DOCK9: variants seen among roughly 807,000 people sequenced by gnomAD.
DOCK9 encodes the protein dedicator of cytokinesis protein 9.
Under a neutral mutation model 263.3 loss-of-function variants are expected in DOCK9, and 89 were observed. That is an observed-to-expected ratio of 0.34 (90% CI 0.28 to 0.40). The LOEUF is 0.40. DOCK9 is among the 10% of genes least tolerant of loss of function. The probability of loss-of-function intolerance (pLI) is 1.00; values close to 1 mark genes in which losing one functional copy is unlikely to be tolerated. For synonymous variants in DOCK9, 976 were observed against 973.1 expected, an observed-to-expected ratio of 1.00 and a Z score of -0.06; for missense variants, 2,140 against 2,603.4, an observed-to-expected ratio of 0.82 and a Z score of 3.87.
intron 1 of DOCK9, among the ~76,000 whole-genome samples, chr13:99,043,641 G>A (rs184676025): frequency 5.7e-4 from 87 of 152,238 alleles, no homozygotes; most frequent in Middle Eastern, 6.8e-3. Context: ...CAGCTGCCAA[G>A]GCTATCTATT....
At chr13:98,919,287 T>C (rs990531922) in intron 7 of DOCK9, among the ~76,000 whole-genome samples, 3 of 152,106 alleles carry the variant, frequency 2.0e-5, no homozygotes, top group South Asian at 4.1e-4. Context: ...TTTTTGTATT[T>C]TTAGTAGAGA....
chr13:98,899,970 A>G (rs1443373992), intron 13 of DOCK9, among the ~76,000 whole-genome samples: 2 of 152,204 alleles, frequency 1.3e-5, no homozygotes, highest in African/African-American at 2.4e-5. Context: ...ACTCTAAATG[A>G]TGTTCTAGAC....
At chr13:99,053,748 G>A (rs905949699) in intron 1 of DOCK9, among the ~76,000 whole-genome samples, 1 of 152,124 alleles carries the variant, frequency 6.6e-6, no homozygotes, top group Non-Finnish European at 1.5e-5. Flanking sequence ...CTGTTACCTG[G>A]TCCCCAGCGA....
chr13:98,820,457 T>G (rs75701281), intron 45 of DOCK9, among the ~76,000 whole-genome samples: 2,640 of 152,168 alleles, frequency 0.017, 36 homozygotes, highest in East Asian at 0.052. Context: ...TTGGACCTAG[T>G]GTAAGAAAGA....
intron 1 of DOCK9, among the ~76,000 whole-genome samples, chr13:99,020,557 C>G (rs978094554): frequency 6.6e-6 from 1 of 152,206 alleles, no homozygotes; most frequent in Non-Finnish European, 1.5e-5. Context: ...TCCTGCAAAG[C>G]TTAAGCATCT....
chr13:98,946,662 C>G lies in DOCK9; in HGVS notation c.243+8773G>C, dbSNP rs371556198. Among the ~76,000 whole-genome samples the G allele has an allele frequency of 3.3e-4, 50 of 152,306 alleles. 1 individual carries two copies. Among genetic ancestry groups the G allele is most frequent in the African/African-American group, 1.2e-3 (49 of 41,560 alleles). On this transcript the variant is annotated intron_variant, in intron 2 of 52. Coordinates refer to ENST00000682017, the MANE Select transcript of DOCK9 (RefSeq NM_001366683.2). Reference sequence around the variant, plus strand: ...TCTCTTCTCCATGCCTGGGTTTCACCCTTCTCAGCTCATTCTTGCTTTCCC... The same window carrying G: ...TCTCTTCTCCATGCCTGGGTTTCACGCTTCTCAGCTCATTCTTGCTTTCCC...
chr13:98,993,372 C>A (rs777285555), intron 1 of DOCK9, among the ~76,000 whole-genome samples: 2 of 152,308 alleles, frequency 1.3e-5, no homozygotes, highest in East Asian at 3.9e-4. Flanking sequence ...GAGTAACATT[C>A]GCCTTCAAAT....
rs200721539 is a variant in DOCK9 at position 98,925,945 on chromosome 13, G to A, written c.334-26C>T. Reference sequence around the variant, plus strand: ...CTATTGAAGGGGGATTTTAAAAATAGAAAATAAAAAACAGAAAGACGTGAT... The same window carrying A: ...CTATTGAAGGGGGATTTTAAAAATAAAAAATAAAAAACAGAAAGACGTGAT... On this transcript the variant is annotated intron_variant, in intron 3 of 52. Coordinates refer to ENST00000682017, the MANE Select transcript of DOCK9 (RefSeq NM_001366683.2). 2,055 of 1,513,666 alleles carry A rather than the reference G, an allele frequency of 1.4e-3. 2 individuals carry two copies. Among genetic ancestry groups the A allele is most frequent in the Non-Finnish European group, 1.7e-3 (1,887 of 1,124,254 alleles). The allele number at this position is 1,513,666 out of a possible 1,614,324, so 93.8% of individuals were successfully genotyped here.
chr13:98,808,210 C>T (rs926822622), intron 47 of DOCK9, among the ~76,000 whole-genome samples: 2 of 152,138 alleles, frequency 1.3e-5, no homozygotes, highest in African/African-American at 2.4e-5. Flanking sequence ...CCCATGCACA[C>T]AGGATTTTAT....
At chr13:98,901,359 C>T (rs2048250887) in intron 13 of DOCK9, among the ~76,000 whole-genome samples, 1 of 152,218 alleles carries the variant, frequency 6.6e-6, no homozygotes, top group Admixed American at 6.5e-5. Flanking sequence ...ACTGACACTG[C>T]TGGCCAGGTC....
intron 15 of DOCK9, among the ~76,000 whole-genome samples, chr13:98,895,499 T>C (rs2047287571): frequency 6.6e-6 from 1 of 152,072 alleles, no homozygotes; most frequent in South Asian, 2.1e-4. Flanking sequence ...ACCCCATCTC[T>C]ACTAAAAATA....
intron 1 of DOCK9, among the ~76,000 whole-genome samples, chr13:98,958,263 T>C (rs1050433651): frequency 4.6e-5 from 7 of 152,174 alleles, no homozygotes; most frequent in Non-Finnish European, 1.0e-4. Context: ...TGCCACCCCT[T>C]CAGCAGCTTC....
At chr13:99,087,228 C>T (rs928187409), upstream of DOCK9, among the ~76,000 whole-genome samples, 3 of 152,136 alleles carry the variant, frequency 2.0e-5, no homozygotes. Context: ...CCGTTCAGTC[C>T]CCGGAGGCAC....
intron 38 of DOCK9, among the ~76,000 whole-genome samples, chr13:98,839,682 A>G (rs1594550801): frequency 6.6e-6 from 1 of 152,268 alleles, no homozygotes; most frequent in East Asian, 1.9e-4. Context: ...TACCAATGAG[A>G]TGGCCTGAAG....
intron 1 of DOCK9, among the ~76,000 whole-genome samples, chr13:98,994,270 C>T (rs1438891677): frequency 6.6e-6 from 1 of 152,186 alleles, no homozygotes; most frequent in Non-Finnish European, 1.5e-5. Context: ...CCTGAAGCAT[C>T]AGGTATTCTA....
rs1227718966 is a variant in DOCK9, at chr13:98,904,715, A to C, written c.961-9T>G. The C allele has an allele frequency of 6.5e-7, 1 of 1,545,958 alleles. No homozygotes were observed. The highest frequency in any genetic ancestry group is 1.4e-5 in the African/African-American group (1 of 72,802). ...TCTGCTTCTCTTGCACTCTGATAAC[A>C]AGATACATGAAAATTACATTTAACA... On this transcript the variant is annotated splice_polypyrimidine_tract_variant and intron_variant, in intron 9 of 52. Coordinates refer to ENST00000682017, the MANE Select transcript of DOCK9 (RefSeq NM_001366683.2).
chr13:99,003,997 C>T (rs1408682260), intron 1 of DOCK9, among the ~76,000 whole-genome samples: 5 of 152,198 alleles, frequency 3.3e-5, no homozygotes, highest in Admixed American at 3.3e-4. Context: ...CATTGTCCTA[C>T]AGCCTGATAA....
intron 34 of DOCK9, among the ~76,000 whole-genome samples, chr13:98,855,153 T>C (rs753148819): frequency 6.6e-6 from 1 of 152,220 alleles, no homozygotes; most frequent in Non-Finnish European, 1.5e-5. Context: ...GGGTGCGTGC[T>C]GTGTGAATAA....
intron 1 of DOCK9, among the ~76,000 whole-genome samples, chr13:99,074,991 G>A (rs537016883): frequency 6.6e-6 from 1 of 152,296 alleles, no homozygotes; most frequent in East Asian, 1.9e-4. Context: ...AATATGTACT[G>A]TAGTTAATTT....
Sources: allele counts gnomAD v4.1 joint callset (sites outside exome capture counted in the v4.1 genomes callset), GRCh38; gene constraint gnomAD v4.1.1; transcripts MANE v1.5; gene names NCBI Gene and HGNC (gene_info 2026-07-23, HGNC 2026-07-21).